The following CARMIL3 variants were observed in gnomAD, a reference collection of about 807,000 sequenced individuals.
CARMIL3 encodes capping protein regulator and myosin 1 linker 3.
CARMIL3 carries 88 observed loss-of-function variants against 180.8 expected under a neutral mutation model. The observed-to-expected ratio is 0.49, with a 90% CI of 0.41 to 0.58. The LOEUF (loss-of-function observed/expected upper bound fraction) is 0.58. Ranked by LOEUF, CARMIL3 falls within the 20% of genes least tolerant of loss-of-function variation. The pLI, the probability that CARMIL3 is intolerant of heterozygous loss-of-function variation, is 0.00. For synonymous variants in CARMIL3, 696 were observed against 714.5 expected, an observed-to-expected ratio of 0.97 and a Z score of 0.41; for missense variants, 1,548 against 1,787.0, an observed-to-expected ratio of 0.87 and a Z score of 2.41.
At chr14:24,063,974 A>G (rs747476559) in intron 31 of CARMIL3, among the ~76,000 whole-genome samples, 5 of 151,890 alleles carry the variant, frequency 3.3e-5, no homozygotes, top group African/African-American at 9.7e-5. Flanking sequence ...CCTGCCTGTA[A>G]TCCCAGCTAC....
intron 11 of CARMIL3, 90 bp downstream of exon 11, chr14:24,056,483 GC>G: frequency 6.7e-7 from 1 of 1,490,884 alleles, no homozygotes; most frequent in Admixed American, 1.7e-5. Flanking sequence ...CAGCTCTCCA[GC>G]CTGATTCCAG....
At chr14:24,069,075 T>C in intron 38 of CARMIL3, 62 bp from the exon 39 acceptor site, 1 of 1,604,006 alleles carries the variant, frequency 6.2e-7, no homozygotes, top group South Asian at 1.1e-5. Flanking sequence ...AGTCACAGCC[T>C]GGATGAGCAT....
rs2035642566 is a variant in CARMIL3 at position 24,053,767 on chromosome 14, G to A, written c.99G>A (p.Leu33=). ...GAVLQQHHVK[L]ETKPKKFEDR... is the part of the protein sequence containing the mutation. ...TGCTCCAACAACATCATGTGAAGTT[G>A]GAGACAAAGCCCAAGAAGTTTGAGG... Residue 33 remains leucine (L), a synonymous_variant, in exon 2 of 40, where the codon TTG becomes TTA. Coordinates refer to ENST00000342740, the MANE Select transcript of CARMIL3 (RefSeq NM_138360.4). The A allele has an allele frequency of 7.4e-6, 12 of 1,613,790 alleles. No individual in the cohort carries two copies. The highest frequency in any genetic ancestry group is 1.0e-5 in the Non-Finnish European group (12 of 1,179,816).
chr14:24,059,861 G>A lies in CARMIL3; in HGVS notation c.1869-109G>A. The A allele has an allele frequency of 6.5e-7, 1 of 1,534,366 alleles. No individual in the cohort carries two copies. The highest frequency in any genetic ancestry group is 2.3e-5 in the East Asian group (1 of 44,274). On this transcript the variant is annotated intron_variant, in intron 22 of 39. Coordinates refer to ENST00000342740, the MANE Select transcript of CARMIL3 (RefSeq NM_138360.4). The surrounding 1 kb of genome is among the most constrained non-coding windows in gnomAD (Gnocchi z 6.3). ...CACAGAAATTTTAGGAAGGGCCATG[G>A]AAGACAGAAATGATGAGCAAGGGGG...
Position 24,058,859 on chromosome 14 carries a change from C to T in CARMIL3, c.1475-31C>T, listed in dbSNP as rs762918581. The stretch of plus-strand genomic sequence containing the variant: ...TGGGACACCAGTCAGCCTCAGGCCT[C>T]CAGGCCAGGCCTCTCCCATCTGCTC... On this transcript the variant is annotated intron_variant, in intron 18 of 39. Coordinates refer to ENST00000342740, the MANE Select transcript of CARMIL3 (RefSeq NM_138360.4). The surrounding 1 kb of genome is among the most constrained non-coding windows in gnomAD (Gnocchi z 6.4). 1 of 1,613,274 alleles carries T rather than the reference C, an allele frequency of 6.2e-7. No homozygotes were observed. The highest frequency in any genetic ancestry group is 1.1e-5 in the South Asian group (1 of 91,066).
chr14:24,059,332 T>C lies in CARMIL3; in HGVS notation c.1689T>C (p.Asn563=), dbSNP rs2035706220. 2.5e-6 allele frequency: 4 copies of C among 1,613,826 alleles called. No individual in the cohort carries two copies. Among genetic ancestry groups the C allele is most frequent in the Non-Finnish European group, 2.5e-6 (3 of 1,180,018 alleles). The change falls in exon 21 of 40, where the codon AAT becomes AAC. Residue 563 remains asparagine, a synonymous_variant. Coordinates refer to ENST00000342740, the MANE Select transcript of CARMIL3 (RefSeq NM_138360.4). This position sits in a 1 kb window ranked among gnomAD's most constrained non-coding sequence, Gnocchi z 6.3. The part of the protein sequence containing the change: ...RLKLRTSILI[N]ALGSNTCLAK... ...AGCTTCGCACCAGCATCCTCATCAATGCCCTGGGCAGCAACACCTGCCTGG... is the reference window on the plus strand; with the variant it reads ...AGCTTCGCACCAGCATCCTCATCAACGCCCTGGGCAGCAACACCTGCCTGG...
Position 24,061,792 on chromosome 14 carries a change from A to C in CARMIL3, c.2480+120A>C. The stretch of plus-strand genomic sequence containing the variant: ...TGGCACAATCTCCATTACAAGGATC[A>C]ATCTTTAACCAAGTGCAACCTTGCT... On this transcript the variant is annotated intron_variant, in intron 27 of 39. Coordinates refer to ENST00000342740, the MANE Select transcript of CARMIL3 (RefSeq NM_138360.4). This position sits in a 1 kb window ranked among gnomAD's most constrained non-coding sequence, Gnocchi z 4.1. 8.7e-7 allele frequency: 1 copy of C among 1,149,622 alleles called. No individual in the cohort carries two copies. The allele number at this position is 1,149,622 out of a possible 1,614,324, so 71.2% of individuals were successfully genotyped here. A position where few individuals can be genotyped will look rare whatever the true frequency, so the allele number is the denominator to read the frequency against.
At position 24,060,050 on chromosome 14, in the gene CARMIL3, A is replaced by T. The variant is rs368596293; in HGVS notation, c.1949A>T (p.Asp650Val). The part of the protein sequence containing the change: ...AYRSAPERTE[D>V]VWQKIQWCLV... Reference sequence around the variant, plus strand: ...CGCAGCGCGCCTGAGCGCACCGAGGACGTCTGGCAGAAGGTGCAGGGTGCT... The same window carrying T: ...CGCAGCGCGCCTGAGCGCACCGAGGTCGTCTGGCAGAAGGTGCAGGGTGCT... The change falls in exon 23 of 40, where the codon GAC becomes GTC. Residue 650 changes from aspartate (D) to valine (V), a missense_variant. This residue lies in a region of CARMIL3 where 297 missense variants were observed against 415.9 expected (regional missense o/e 0.71). Coordinates refer to ENST00000342740, the MANE Select transcript of CARMIL3 (RefSeq NM_138360.4). 1.9e-6 allele frequency: 3 copies of T among 1,613,972 alleles called. No individual in the cohort carries two copies. Among genetic ancestry groups the T allele is most frequent in the Non-Finnish European group, 2.5e-6 (3 of 1,180,030 alleles).
At position 24,062,936 on chromosome 14, in the gene CARMIL3, C is replaced by T; in HGVS notation, c.2706+90C>T. On this transcript the variant is annotated intron_variant, in intron 29 of 39. Coordinates refer to ENST00000342740, the MANE Select transcript of CARMIL3 (RefSeq NM_138360.4). ...TGTCCCCTTCCACTGATCTGTACTC[C>T]CCTGGCCACCTCACTGTGCCTGGCC... 1.3e-6 allele frequency: 2 copies of T among 1,547,078 alleles called. 1 individual carries two copies. The highest frequency in any genetic ancestry group is 2.5e-5 in the South Asian group (2 of 80,662).
intron 14 of CARMIL3, 37 bp from the exon 15 acceptor site, chr14:24,057,766 C>T (rs747537552): frequency 4.4e-6 from 7 of 1,582,190 alleles, no homozygotes; most frequent in Middle Eastern, 2.3e-4. Flanking sequence ...CTACCCCCTT[C>T]CAGCTCCCCT....
In CARMIL3 at chr14:24,054,094, A is replaced by T; in HGVS notation, c.142A>T (p.Thr48Ser). The change falls in exon 3 of 40, where the codon ACC (threonine) becomes TCC (serine). Residue 48 changes from threonine to serine, a missense_variant. Coordinates refer to ENST00000342740, the MANE Select transcript of CARMIL3 (RefSeq NM_138360.4). This position sits in a 1 kb window ranked among gnomAD's most constrained non-coding sequence, Gnocchi z 5.1. ...TTTTTTCCTCTCTCTGTAGGCCCTG[A>T]CCTCCTGGCGCCTCCACCTCTTCCT... ...KKFEDRVLAL[T>S]SWRLHLFLLK... 6.2e-7 allele frequency: 1 copy of T among 1,613,562 alleles called. No homozygotes were observed. Among genetic ancestry groups the T allele is most frequent in the Non-Finnish European group, 8.5e-7 (1 of 1,179,958 alleles).
intron 8 of CARMIL3, 115 bp downstream of exon 8, chr14:24,055,425 T>A: frequency 6.8e-7 from 1 of 1,479,110 alleles, no homozygotes; most frequent in Non-Finnish European, 9.4e-7. Flanking sequence ...CCCAACTCCA[T>A]CCCATCCCCA....
intron 2 of CARMIL3, 106 bp from the exon 3 acceptor site, chr14:24,053,982 C>T (rs190195247): frequency 3.7e-6 from 5 of 1,339,258 alleles, no homozygotes; most frequent in South Asian, 2.6e-5. Context: ...GGTAGGGCAT[C>T]GGGTTGGGGA....
intron 11 of CARMIL3, 74 bp from the exon 12 acceptor site, chr14:24,056,548 C>T (rs1418641181): frequency 2.6e-6 from 4 of 1,540,844 alleles, no homozygotes; most frequent in Non-Finnish European, 2.7e-6. Context: ...TACTCGAGCC[C>T]CCAACCTGAC....
rs367980564 is a variant in CARMIL3, at chr14:24,052,114, C to T, written c.-40C>T. On this transcript the variant is annotated 5_prime_UTR_variant, in exon 1 of 40. Transcript: ENST00000342740. The stretch of plus-strand genomic sequence containing the variant: ...ATGTGCCGCGGCTCCCCGGCGGCGG[C>T]GGCGGCTCCTCTGCAGCAGCCTCAG... The T allele has an allele frequency of 1.1e-3, 1,681 of 1,532,290 alleles. 16 individuals carry two copies. In the African/African-American group the frequency reaches 0.021, roughly 19 times the overall value. The allele number at this position is 1,532,290 out of a possible 1,614,324, so 94.9% of individuals were successfully genotyped here.
At position 24,064,951 on chromosome 14, in the gene CARMIL3, T is replaced by C; in HGVS notation, c.3081-7T>C. The C allele has an allele frequency of 6.2e-7, 1 of 1,608,474 alleles. No homozygotes were observed. On this transcript the variant is annotated splice_polypyrimidine_tract_variant and splice_region_variant and intron_variant, in intron 32 of 39. Coordinates refer to ENST00000342740, the MANE Select transcript of CARMIL3 (RefSeq NM_138360.4). ...ATTTGTTGCTAACTTACCCCGATTC[T>C]CCCCAGCTACCCCCGGACTCTGAGG...
rs1244350461 is a variant in CARMIL3, at chr14:24,056,370, C to G, written c.842C>G (p.Ser281Cys). 3 of 1,613,760 alleles carry G rather than the reference C, an allele frequency of 1.9e-6. No individual in the cohort carries two copies. The highest frequency in any genetic ancestry group is 2.5e-6 in the Non-Finnish European group (3 of 1,179,752). The change falls in exon 11 of 40, where the codon TCC becomes TGC. Residue 281 changes from serine (S) to cysteine (C), a missense_variant. Coordinates refer to ENST00000342740, the MANE Select transcript of CARMIL3 (RefSeq NM_138360.4). ...TGTGTGCTGCATGCCCTCACTCTGTCCCACAACCCCATCGAGGACAAGGGT... is the reference window on the plus strand; with the variant it reads ...TGTGTGCTGCATGCCCTCACTCTGTGCCACAACCCCATCGAGGACAAGGGT... ...GSCVLHALTL[S>C]HNPIEDKGFL...
rs1476629565 is a variant in CARMIL3, at chr14:24,065,240, T to C, written c.3363T>C (p.Gly1121=). 6.5e-7 allele frequency: 1 copy of C among 1,549,024 alleles called. No homozygotes were observed. The highest frequency in any genetic ancestry group is 1.4e-5 in the African/African-American group (1 of 71,970). The part of the protein sequence containing the change: ...EEESSLLPGF[G]GGRGPSFRRK... The stretch of plus-strand genomic sequence containing the variant: ...AGAGCAGCCTCCTCCCTGGATTTGG[T>C]GGGGGCCGGGGACCTTCCTTCCGCC... The change falls in exon 33 of 40, where the codon GGT becomes GGC. Residue 1121 remains glycine, a synonymous_variant. Transcript: ENST00000342740.
At chr14:24,053,321 G>T (rs1411480146) in intron 1 of CARMIL3, among the ~76,000 whole-genome samples, 5 of 151,688 alleles carry the variant, frequency 3.3e-5, no homozygotes, top group African/African-American at 1.2e-4. Context: ...ATAGTCAAAG[G>T]GACACCCCAC....
Sources: gnomAD v4.1 joint callset for allele counts (sites outside exome capture counted in the v4.1 genomes callset) on GRCh38, gnomAD v4.1.1 for gene constraint, gnomAD v4.1.1 regional missense constraint, Gnocchi (gnomAD v3.1) non-coding constraint, MANE v1.5 for transcripts, NCBI Gene and HGNC (gene_info 2026-07-23, HGNC 2026-07-21) for gene names.